The following ZNF496 variants were observed in gnomAD, a reference collection of about 807,000 sequenced individuals.
The protein encoded by ZNF496 is NSD1 (nuclear receptor binding SET-domain containing 1)-interacting zinc finger protein 1.
A neutral mutation model predicts 58.9 loss-of-function variants in ZNF496; 11 were observed. The ratio of observed to expected loss-of-function variants is 0.19; its 90% confidence interval spans 0.12 to 0.31. ZNF496 has a LOEUF of 0.31. Ranked by LOEUF, ZNF496 falls within the 10% of genes least tolerant of loss-of-function variation. ZNF496 has a pLI of 1.00. For synonymous variants in ZNF496, 338 were observed against 318.2 expected (o/e 1.06, Z -0.66); for missense variants, 660 against 783.0 (o/e 0.84, Z 1.88).
In ZNF496 at chr1:247,308,093, C is replaced by A; in HGVS notation, c.1006+382G>T. ...ACAGCAGCACCCTGCTTTGACACACCCTCCCCGGCCCCTGGGAAAGGCAAG... is the reference window on the plus strand; with the variant it reads ...ACAGCAGCACCCTGCTTTGACACACACTCCCCGGCCCCTGGGAAAGGCAAG... On this transcript the variant is annotated intron_variant, in intron 9 of 9. Transcript: ENST00000682384. This position sits in a 1 kb window ranked among gnomAD's most constrained non-coding sequence, Gnocchi z 4.5. 6 of 892,362 alleles carry A rather than the reference C, an allele frequency of 6.7e-6. No individual in the cohort carries two copies. The highest frequency in any genetic ancestry group is 8.1e-6 in the Non-Finnish European group (6 of 745,042). 55.3% of individuals were successfully genotyped at this position (892,362 alleles called of 1,614,324 possible). A position where few individuals can be genotyped will look rare whatever the true frequency, so the allele number is the denominator to read the frequency against.
rs777584581 is a variant in ZNF496 at position 247,329,530 on chromosome 1, C to T, written c.49G>A (p.Glu17Lys). 8.9e-6 allele frequency: 14 copies of T among 1,576,202 alleles called. No individual in the cohort carries two copies. Among genetic ancestry groups the T allele is most frequent in the Non-Finnish European group, 1.2e-5 (14 of 1,166,756 alleles). Residue 17 changes from glutamate (E) to lysine (K), a missense_variant, in exon 4 of 10, where the codon GAG becomes AAG. Transcript: ENST00000682384. The surrounding 1 kb of genome is among the most constrained non-coding windows in gnomAD (Gnocchi z 5.5). ...GGTGGGCTCCTCATTTTCCTGGGCT[C>T]CTCACTTTCCTTCGGAGCCAAGACT... ...PRVLAPKESE[E>K]PRKMRSPPGE...
In ZNF496 at chr1:247,309,398, A is replaced by C. The variant is rs1351073902; in HGVS notation, c.892+301T>G. ...CATGAGTATCTGACTTCACTCCTGG[A>C]GGGGCTGCTGCATTGTCAGCACAAA... is the stretch of plus-strand genomic sequence containing the variant. On this transcript the variant is annotated intron_variant, in intron 8 of 9. Transcript: ENST00000682384. The surrounding 1 kb of genome is among the most constrained non-coding windows in gnomAD (Gnocchi z 4.3). The C allele has an allele frequency of 1.6e-6, 2 of 1,212,668 alleles. No homozygotes were observed. The highest frequency in any genetic ancestry group is 2.1e-6 in the Non-Finnish European group (2 of 969,690). The allele number at this position is 1,212,668 out of a possible 1,614,324, so 75.1% of individuals were successfully genotyped here. A position where few individuals can be genotyped will look rare whatever the true frequency, so the allele number is the denominator to read the frequency against.
In ZNF496 at chr1:247,329,411, G is replaced by C. The variant is rs773064025; in HGVS notation, c.168C>G (p.Pro56=). 2 of 1,613,150 alleles carry C rather than the reference G, an allele frequency of 1.2e-6. No individual in the cohort carries two copies. The highest frequency in any genetic ancestry group is 2.2e-5 in the South Asian group (2 of 91,032). ...CCCAGAGGCGCTGCAGGGCCTCCCG[G>C]GGGCCCGCCGCCTCCTGGTAGCGGA... ...RRFRYQEAAG[P]REALQRLWDL... Residue 56 remains proline (P), a synonymous_variant, in exon 4 of 10, where the codon CCC becomes CCG. Coordinates refer to ENST00000682384, the MANE Select transcript of ZNF496 (RefSeq NM_032752.3). This position sits in a 1 kb window ranked among gnomAD's most constrained non-coding sequence, Gnocchi z 5.5.
intron 6 of ZNF496, among the ~76,000 whole-genome samples, chr1:247,321,034 A>G (rs764879701): frequency 6.6e-6 from 1 of 152,024 alleles, no homozygotes; most frequent in Non-Finnish European, 1.5e-5. Flanking sequence ...AAATTAGCCA[A>G]GCGTGGTTGC....
chr1:247,306,003 A>G (rs1659396173), intron 9 of ZNF496, among the ~76,000 whole-genome samples: 1 of 152,256 alleles, frequency 6.6e-6, no homozygotes, highest in South Asian at 2.1e-4. Flanking sequence ...ATGTATGAAT[A>G]CAGCAGAGGC....
intron 9 of ZNF496, among the ~76,000 whole-genome samples, chr1:247,304,736 A>G (rs1659356146): frequency 6.6e-6 from 1 of 152,014 alleles, no homozygotes; most frequent in Non-Finnish European, 1.5e-5. Context: ...GGATTTCTCT[A>G]TTTTGGAATG....
chr1:247,311,521 A>G (rs1480655779), intron 6 of ZNF496: 1 of 152,570 alleles, frequency 6.6e-6, no homozygotes, highest in Non-Finnish European at 1.5e-5. Flanking sequence ...AGGGAAACAG[A>G]AAAAAAGAAA....
At chr1:247,327,284 G>A (rs972694416) in intron 5 of ZNF496, among the ~76,000 whole-genome samples, 11 of 152,300 alleles carry the variant, frequency 7.2e-5, no homozygotes, top group East Asian at 1.9e-4. Context: ...GGCTGGTCTC[G>A]AACTCCTGAC....
chr1:247,331,314 G>A (rs1660321215), intron 2 of ZNF496, 118 bp downstream of exon 2: 1 of 152,470 alleles, frequency 6.6e-6, no homozygotes, highest in Non-Finnish European at 1.5e-5. Context: ...GACCGAGCTG[G>A]ATCGGCAGAA....
At chr1:247,302,084 G>A (rs1179712445) in intron 9 of ZNF496, among the ~76,000 whole-genome samples, 1 of 152,072 alleles carries the variant, frequency 6.6e-6, no homozygotes, top group African/African-American at 2.4e-5. Context: ...CTGAGGTCCC[G>A]GCTTATGGAG....
At chr1:247,324,374 TA>T (rs942024781) in intron 5 of ZNF496, among the ~76,000 whole-genome samples, 1 of 152,034 alleles carries the variant, frequency 6.6e-6, no homozygotes, top group Non-Finnish European at 1.5e-5. Context: ...ATGAGAGGAG[TA>T]AACTCAGGAG....
At position 247,297,500 on chromosome 1, in the gene ZNF496, G is replaced by A. The variant is rs1236300113; in HGVS notation, c.*3019C>T. 1 of 152,256 alleles carries A rather than the reference G, an allele frequency of 6.6e-6. No individual in the cohort carries two copies. Among genetic ancestry groups the A allele is most frequent in the East Asian group, 1.9e-4 (1 of 5,202 alleles). 9.4% of individuals were successfully genotyped at this position (152,256 alleles called of 1,614,324 possible). A position where few individuals can be genotyped will look rare whatever the true frequency, so the allele number is the denominator to read the frequency against. On this transcript the variant is annotated 3_prime_UTR_variant, in exon 10 of 10. Coordinates refer to ENST00000682384, the MANE Select transcript of ZNF496 (RefSeq NM_032752.3). ...GAACAAAGAGAGAGGATGTTGCTCA[G>A]ATGGGGGTCTCAACCTCCAGAGCAA... is the stretch of plus-strand genomic sequence containing the variant.
At chr1:247,322,073 G>T (rs747355381) in intron 6 of ZNF496, among the ~76,000 whole-genome samples, 3 of 152,194 alleles carry the variant, frequency 2.0e-5, no homozygotes, top group Non-Finnish European at 4.4e-5. Flanking sequence ...CTTGAGGTCA[G>T]GAGTTTGAGA....
Position 247,300,939 on chromosome 1 carries a change from C to G in ZNF496, c.1344G>C (p.Glu448Asp). Residue 448 changes from glutamate (E) to aspartate (D), a missense_variant, in exon 10 of 10, where the codon GAG becomes GAC. Physicochemically the swap from Glu to Asp is conservative, Grantham distance 45. Coordinates refer to ENST00000682384, the MANE Select transcript of ZNF496 (RefSeq NM_032752.3). The surrounding 1 kb of genome is among the most constrained non-coding windows in gnomAD (Gnocchi z 5.7). Reference sequence around the variant, plus strand: ...GGCTCTCTAGGTGCCCATCCAGGTCCTCGCTGTCGCTGAACAGCTCCCCGC... The same window carrying G: ...GGCTCTCTAGGTGCCCATCCAGGTCGTCGCTGTCGCTGAACAGCTCCCCGC... ...SVCGELFSDS[E>D]DLDGHLESHE... The G allele has an allele frequency of 3.7e-6, 6 of 1,613,872 alleles. No individual in the cohort carries two copies. The highest frequency in any genetic ancestry group is 5.1e-6 in the Non-Finnish European group (6 of 1,179,946).
rs144039005 is a variant in ZNF496, at chr1:247,329,142, C to T, written c.390+47G>A. ...CACATGCATGGCCCAGCCAAAGTGT[C>T]TAAGTACCAGATCTCTACCCGTCCC... On this transcript the variant is annotated intron_variant, in intron 4 of 9. Coordinates refer to ENST00000682384, the MANE Select transcript of ZNF496 (RefSeq NM_032752.3). The surrounding 1 kb of genome is among the most constrained non-coding windows in gnomAD (Gnocchi z 5.5). 2.1e-4 allele frequency: 345 copies of T among 1,612,482 alleles called. No individual in the cohort carries two copies. The highest frequency in any genetic ancestry group is 2.8e-4 in the Non-Finnish European group (325 of 1,179,766).
chr1:247,308,749 G>A lies in ZNF496; in HGVS notation c.893-161C>T, dbSNP rs1659498772. The A allele has an allele frequency of 3.3e-6, 2 of 613,974 alleles. No homozygotes were observed. The highest frequency in any genetic ancestry group is 3.7e-5 in the African/African-American group (2 of 53,998). 38.0% of individuals were successfully genotyped at this position (613,974 alleles called of 1,614,324 possible). A position where few individuals can be genotyped will look rare whatever the true frequency, so the allele number is the denominator to read the frequency against. ...GCCACTCAATAAGTGTCTGCTGAGT[G>A]AATGAACCTGAAGGCAAAATGGGCC... is the stretch of plus-strand genomic sequence containing the variant. On this transcript the variant is annotated intron_variant, in intron 8 of 9. Transcript: ENST00000682384. This position sits in a 1 kb window ranked among gnomAD's most constrained non-coding sequence, Gnocchi z 4.5.
At chr1:247,317,145 T>G (rs889206026) in intron 6 of ZNF496, among the ~76,000 whole-genome samples, 8 of 152,116 alleles carry the variant, frequency 5.3e-5, no homozygotes, top group Non-Finnish European at 1.2e-4. Context: ...ACCCTGGACA[T>G]TGCATATAAA....
At chr1:247,322,746 A>C in intron 6 of ZNF496, 2 of 1,290,978 alleles carry the variant, frequency 1.5e-6, no homozygotes, top group Non-Finnish European at 2.0e-6. Flanking sequence ...TCTTCCCTCC[A>C]CTTCCTAACA....
Position 247,308,800 on chromosome 1 carries a change from C to T in ZNF496, c.893-212G>A, listed in dbSNP as rs1408661564. Reference sequence around the variant, plus strand: ...AACTCCACAAACATGAGCTCTGACGCTAGACAGAATCGACGTAGATCCGGG... The same window carrying T: ...AACTCCACAAACATGAGCTCTGACGTTAGACAGAATCGACGTAGATCCGGG... On this transcript the variant is annotated intron_variant, in intron 8 of 9. Coordinates refer to ENST00000682384, the MANE Select transcript of ZNF496 (RefSeq NM_032752.3). The surrounding 1 kb of genome is among the most constrained non-coding windows in gnomAD (Gnocchi z 4.5). The T allele has an allele frequency of 7.5e-6, 4 of 531,044 alleles. No homozygotes were observed. Among genetic ancestry groups the T allele is most frequent in the Non-Finnish European group, 1.0e-5 (3 of 293,734 alleles). 32.9% of individuals were successfully genotyped at this position (531,044 alleles called of 1,614,324 possible). A position where few individuals can be genotyped will look rare whatever the true frequency, so the allele number is the denominator to read the frequency against.
Sources: allele counts gnomAD v4.1 joint callset (sites outside exome capture counted in the v4.1 genomes callset), GRCh38; gene constraint gnomAD v4.1.1; non-coding constraint Gnocchi (gnomAD v3.1); transcripts MANE v1.5; gene names NCBI Gene and HGNC (gene_info 2026-07-23, HGNC 2026-07-21).